Variants in KCNN2 observed in about 807,000 individuals in gnomAD.
The protein encoded by KCNN2 is small conductance calcium-activated potassium channel protein 2.
In KCNN2, 24 loss-of-function variants were observed where a neutral mutation model predicts 55.5. That is an observed-to-expected ratio of 0.43 (90% CI 0.31 to 0.61). The LOEUF (loss-of-function observed/expected upper bound fraction) is 0.61, where lower values mean the gene tolerates loss of function less well. Ranked by LOEUF, KCNN2 falls within the 20% of genes least tolerant of loss-of-function variation. KCNN2 has a pLI of 0.08. For missense variants in KCNN2, 754 were observed against 853.6 expected, an observed-to-expected ratio of 0.88 and a Z score of 1.45; for synonymous variants, 431 against 336.1, an observed-to-expected ratio of 1.28 and a Z score of -3.09.
intron 2 of KCNN2, among the ~76,000 whole-genome samples, chr5:114,386,089 G>A (rs1172034765): frequency 6.7e-6 from 1 of 150,308 alleles, no homozygotes; most frequent in Non-Finnish European, 1.5e-5. Context: ...GGCTGAGGCA[G>A]AAGAATGGCG....
intron 2 of KCNN2, among the ~76,000 whole-genome samples, chr5:114,274,413 A>G (rs186649735): frequency 1.6e-3 from 243 of 152,322 alleles, no homozygotes; most frequent in African/African-American, 5.3e-3. Flanking sequence ...TTGAATCTAT[A>G]AATTACTTTG....
At chr5:114,113,474 G>A (rs1324471895) in intron 1 of KCNN2, among the ~76,000 whole-genome samples, 5 of 152,122 alleles carry the variant, frequency 3.3e-5, no homozygotes, top group African/African-American at 7.2e-5. Context: ...ATTGGCTGGG[G>A]CCCTGTAAAA....
At chr5:114,396,296 A>C (rs1309400408) in intron 2 of KCNN2, among the ~76,000 whole-genome samples, 1 of 145,392 alleles carries the variant, frequency 6.9e-6, no homozygotes, top group Non-Finnish European at 1.6e-5. Context: ...TTGTTTTCTT[A>C]AGGGAGACTA....
At chr5:114,424,344 C>T (rs1411201071) in intron 3 of KCNN2, among the ~76,000 whole-genome samples, 3 of 152,142 alleles carry the variant, frequency 2.0e-5, no homozygotes, top group African/African-American at 7.2e-5. Context: ...TAAACTGACA[C>T]CTTTTCTTAG....
chr5:114,301,794 G>T (rs956510008), intron 2 of KCNN2, among the ~76,000 whole-genome samples: 3 of 152,176 alleles, frequency 2.0e-5, no homozygotes, highest in Non-Finnish European at 4.4e-5. Context: ...AGCCCATAGA[G>T]TAAGACAGGT....
chr5:114,181,626 T>C (rs1162818299), intron 1 of KCNN2, among the ~76,000 whole-genome samples: 1 of 152,210 alleles, frequency 6.6e-6, no homozygotes, highest in African/African-American at 2.4e-5. Context: ...GTGATTGTTG[T>C]TTTCTGTTTC....
At chr5:114,359,668 A>G (rs570584055), upstream of KCNN2, among the ~76,000 whole-genome samples, 1 of 152,278 alleles carries the variant, frequency 6.6e-6, no homozygotes, top group South Asian at 2.1e-4. Context: ...TAAATTTATG[A>G]ACGGCTAATA....
At chr5:114,420,441 G>T (rs2150080348) in intron 3 of KCNN2, among the ~76,000 whole-genome samples, 1 of 152,310 alleles carries the variant, frequency 6.6e-6, no homozygotes, top group South Asian at 2.1e-4. Flanking sequence ...GCTTCCAAAT[G>T]CAGGACTGCT....
At chr5:114,142,065 C>A (rs758464762) in intron 1 of KCNN2, among the ~76,000 whole-genome samples, 98 of 152,168 alleles carry the variant, frequency 6.4e-4, no homozygotes, top group Non-Finnish European at 9.1e-4. Flanking sequence ...CAAAAAATTT[C>A]TCCCATTCTG....
chr5:114,243,982 T>C (rs1754697612), intron 2 of KCNN2, among the ~76,000 whole-genome samples: 1 of 152,134 alleles, frequency 6.6e-6, no homozygotes, highest in African/African-American at 2.4e-5. Flanking sequence ...TCACTGAGGG[T>C]AACTGTAAGA....
Position 114,390,177 on chromosome 5 carries a change from A to G in KCNN2, c.1219-14261A>G, listed in dbSNP as rs117686140. On this transcript the variant is annotated intron_variant, in intron 2 of 7. Coordinates refer to ENST00000673685, the MANE Select transcript of KCNN2 (RefSeq NM_021614.4). ...CTTCAAATGAAAATGTAGAGTTTTT[A>G]TCATTTCAGATTAAACTTTTAGAAT... Among the ~76,000 whole-genome samples the G allele has an allele frequency of 2.4e-3, 369 of 152,286 alleles. 13 individuals carry two copies. In the East Asian group the frequency reaches 0.067, roughly 28 times the overall value.
At chr5:114,173,392 CA>C (rs1753076530) in intron 1 of KCNN2, among the ~76,000 whole-genome samples, 1 of 148,834 alleles carries the variant, frequency 6.7e-6, no homozygotes, top group Non-Finnish European at 1.5e-5. Flanking sequence ...CTTTTTTGTT[CA>C]GGATAGCTTT....
At chr5:114,140,592 T>C (rs765551562) in intron 1 of KCNN2, among the ~76,000 whole-genome samples, 1 of 151,898 alleles carries the variant, frequency 6.6e-6, no homozygotes, top group African/African-American at 2.4e-5. Context: ...AAGAGAAAAA[T>C]TTTTATACAA....
intron 2 of KCNN2, among the ~76,000 whole-genome samples, chr5:114,328,098 C>A (rs1410996930): frequency 6.6e-6 from 1 of 152,152 alleles, no homozygotes; most frequent in African/African-American, 2.4e-5. Flanking sequence ...CTCTTAGAAC[C>A]TTTTATTCTA....
intron 2 of KCNN2, among the ~76,000 whole-genome samples, chr5:114,275,625 G>T (rs1006028625): frequency 6.6e-6 from 1 of 152,126 alleles, no homozygotes; most frequent in African/African-American, 2.4e-5. Flanking sequence ...TTGCGTAGAG[G>T]TACTTATAGT....
intron 1 of KCNN2, among the ~76,000 whole-genome samples, chr5:114,187,380 T>G (rs770096300): frequency 6.6e-6 from 1 of 152,152 alleles, no homozygotes; most frequent in African/African-American, 2.4e-5. Flanking sequence ...TCCCTTTTCC[T>G]TCCTGAAAGG....
intron 1 of KCNN2, among the ~76,000 whole-genome samples, chr5:114,087,244 A>G (rs1237464481): frequency 6.6e-6 from 1 of 151,824 alleles, no homozygotes; most frequent in Non-Finnish European, 1.5e-5. Flanking sequence ...TACTCTGTTG[A>G]TAGTTTCTTT....
At chr5:114,141,002 T>G (rs1473195246) in intron 1 of KCNN2, among the ~76,000 whole-genome samples, 1 of 151,980 alleles carries the variant, frequency 6.6e-6, no homozygotes, top group Non-Finnish European at 1.5e-5. Flanking sequence ...TTGGTCAGGC[T>G]GGTCTCGAAC....
intron 2 of KCNN2, among the ~76,000 whole-genome samples, chr5:114,337,375 C>T (rs563257784): frequency 6.6e-6 from 1 of 152,164 alleles, no homozygotes; most frequent in East Asian, 1.9e-4. Context: ...GTGGTGATAC[C>T]AACATAGAAG....
Sources: gnomAD v4.1 joint callset for allele counts (sites outside exome capture counted in the v4.1 genomes callset) on GRCh38, gnomAD v4.1.1 for gene constraint, MANE v1.5 for transcripts, NCBI Gene and HGNC (gene_info 2026-07-23, HGNC 2026-07-21) for gene names.